Variants in PSMA1 observed in about 807,000 individuals in gnomAD.
PSMA1 encodes the protein proteasome subunit alpha type-1.
In PSMA1, 3 loss-of-function variants were observed where a neutral mutation model predicts 38.4. That is an observed-to-expected ratio of 0.08 (90% CI 0.04 to 0.20). The LOEUF (loss-of-function observed/expected upper bound fraction) is 0.20, where lower values mean the gene tolerates loss of function less well. PSMA1 is among the 10% of genes least tolerant of loss of function. The pLI, the probability that PSMA1 is intolerant of heterozygous loss-of-function variation, is 1.00. For synonymous variants in PSMA1, 101 were observed against 107.1 expected (o/e 0.94, Z 0.35); for missense variants, 227 against 325.3 (o/e 0.70, Z 2.32).
intron 1 of PSMA1, among the ~76,000 whole-genome samples, chr11:14,630,044 T>A (rs1023555067): frequency 2.0e-5 from 3 of 151,730 alleles, no homozygotes; most frequent in African/African-American, 7.2e-5. Flanking sequence ...AAGTTGCTTA[T>A]CAGCTTAAGG....
chr11:14,544,348 T>C lies in PSMA1; in HGVS notation c.22-25307A>G, dbSNP rs78245524. On this transcript the variant is annotated intron_variant, in intron 2 of 10. Coordinates refer to the PSMA1 transcript ENST00000418988. The stretch of plus-strand genomic sequence containing the variant: ...CGTGCCCGGCCGGTAAATTAATAAC[T>C]TTTGTGTTGCAAATAATATCATCAG... Among the ~76,000 whole-genome samples, 943 of 152,250 alleles carry C rather than the reference T, an allele frequency of 6.2e-3. 10 individuals are homozygous for C. Among genetic ancestry groups the C allele is most frequent in the African/African-American group, 0.022 (906 of 41,540 alleles).
chr11:14,572,741 A>G (rs541425713), intron 2 of PSMA1, among the ~76,000 whole-genome samples: 3 of 152,150 alleles, frequency 2.0e-5, no homozygotes, highest in Non-Finnish European at 2.9e-5. Context: ...TTTTTTGAAA[A>G]GATCAACAAA....
chr11:14,611,017 C>A (rs778327818), exon 2 of PSMA1: 2 of 1,605,630 alleles, frequency 1.2e-6, no homozygotes, highest in African/African-American at 2.7e-5. Flanking sequence ...ACCTAGTAGA[C>A]CAACATACAA....
chr11:14,589,575 T>C (rs749436323), intron 2 of PSMA1, among the ~76,000 whole-genome samples: 3 of 152,042 alleles, frequency 2.0e-5, no homozygotes, highest in Non-Finnish European at 4.4e-5. Flanking sequence ...ACACACCGTA[T>C]AGAAAGAGCA....
chr11:14,515,654 A>G (rs547952302), intron 4 of PSMA1, among the ~76,000 whole-genome samples: 13 of 151,560 alleles, frequency 8.6e-5, no homozygotes, highest in Admixed American at 4.6e-4. Context: ...CCTGGGTTCA[A>G]GCGATTCTCT....
chr11:14,509,846 C>T (rs1374343394), intron 8 of PSMA1, among the ~76,000 whole-genome samples: 1 of 151,906 alleles, frequency 6.6e-6, no homozygotes, highest in Non-Finnish European at 1.5e-5. Context: ...GCCTCAGCCT[C>T]CCGAGTAGCT....
At chr11:14,562,008 G>T (rs1852015866) in intron 2 of PSMA1, among the ~76,000 whole-genome samples, 1 of 152,008 alleles carries the variant, frequency 6.6e-6, no homozygotes, top group Admixed American at 6.6e-5. Flanking sequence ...TGGAAAGCTG[G>T]AAAAGCAAAA....
chr11:14,586,371 G>T (rs1444202009), intron 2 of PSMA1, among the ~76,000 whole-genome samples: 1 of 152,000 alleles, frequency 6.6e-6, no homozygotes, highest in Non-Finnish European at 1.5e-5. Flanking sequence ...GGCAGAGGCT[G>T]CAGTGAGCCG....
chr11:14,572,228 A>G (rs899209124), intron 2 of PSMA1, among the ~76,000 whole-genome samples: 2 of 152,204 alleles, frequency 1.3e-5, no homozygotes, highest in Admixed American at 6.5e-5. Context: ...TCGGCACCAC[A>G]TCGCACTTAT....
chr11:14,562,036 C>T (rs904385242), intron 2 of PSMA1, among the ~76,000 whole-genome samples: 3 of 152,052 alleles, frequency 2.0e-5, no homozygotes, highest in Non-Finnish European at 4.4e-5. Flanking sequence ...GCTAGGAAAA[C>T]CAAAGATTCA....
rs1851221737 is a variant in PSMA1, at chr11:14,505,004, A to G, written c.*188T>C. ...AAAATGATTATACAGACCCTTTCAA[A>G]GAAAAATGTATTCCATTATATAGGT... On this transcript the variant is annotated 3_prime_UTR_variant, in exon 10 of 10. Transcript: ENST00000396394. 1 of 578,518 alleles carries G rather than the reference A, an allele frequency of 1.7e-6. No homozygotes were observed. Among genetic ancestry groups the G allele is most frequent in the African/African-American group, 1.9e-5 (1 of 53,872 alleles). The allele number at this position is 578,518 out of a possible 1,614,324, so 35.8% of individuals were successfully genotyped here.
At chr11:14,604,234 G>C (rs978793784) in intron 2 of PSMA1, among the ~76,000 whole-genome samples, 1 of 152,074 alleles carries the variant, frequency 6.6e-6, no homozygotes, top group Non-Finnish European at 1.5e-5. Flanking sequence ...TAATTTTTTT[G>C]TATTTTTAGT....
At chr11:14,625,174 T>C (rs1329538220) in intron 1 of PSMA1, among the ~76,000 whole-genome samples, 2 of 152,252 alleles carry the variant, frequency 1.3e-5, no homozygotes, top group East Asian at 3.9e-4. Context: ...TCAGCCTGGG[T>C]GTGGTAACTC....
intron 1 of PSMA1, among the ~76,000 whole-genome samples, chr11:14,632,106 T>C (rs2133720488): frequency 7.0e-6 from 1 of 142,616 alleles, no homozygotes; most frequent in Non-Finnish European, 1.5e-5. Flanking sequence ...CTGATGGGTC[T>C]TGACTCTTTA....
intron 2 of PSMA1, among the ~76,000 whole-genome samples, chr11:14,558,652 G>A (rs963965644): frequency 6.6e-6 from 1 of 152,164 alleles, no homozygotes; most frequent in Non-Finnish European, 1.5e-5. Flanking sequence ...CAGGCTTTAG[G>A]ACTAAGGTCA....
chr11:14,551,799 A>T (rs1589990478), intron 2 of PSMA1, among the ~76,000 whole-genome samples: 1 of 152,252 alleles, frequency 6.6e-6, no homozygotes, highest in Admixed American at 6.5e-5. Flanking sequence ...AAGAGGGGAC[A>T]GTGGGCTAGC....
chr11:14,615,411 G>A (rs1326990762), intron 1 of PSMA1, among the ~76,000 whole-genome samples: 1 of 152,182 alleles, frequency 6.6e-6, no homozygotes. Flanking sequence ...AGTGGGACAC[G>A]CTGAAAGAAA....
chr11:14,510,263 A>G (rs951077301), intron 8 of PSMA1, among the ~76,000 whole-genome samples: 33 of 152,084 alleles, frequency 2.2e-4, no homozygotes, highest in Non-Finnish European at 4.9e-4. Flanking sequence ...TGTATTTCCT[A>G]GAATAATTTT....
chr11:14,635,237 G>A (rs960652635), intron 1 of PSMA1, among the ~76,000 whole-genome samples: 3 of 152,216 alleles, frequency 2.0e-5, no homozygotes, highest in African/African-American at 7.2e-5. Flanking sequence ...TGTTTAAAGT[G>A]TTGTTCATGT....
Sources: gnomAD v4.1 joint callset for allele counts (sites outside exome capture counted in the v4.1 genomes callset) on GRCh38, gnomAD v4.1.1 for gene constraint, MANE v1.5 for transcripts, NCBI Gene and HGNC (gene_info 2026-07-23, HGNC 2026-07-21) for gene names.